GALNT16: variants seen among roughly 807,000 people sequenced by gnomAD.
GALNT16 encodes polypeptide N-acetylgalactosaminyltransferase 16.
A neutral mutation model predicts 76.1 loss-of-function variants in GALNT16; 40 were observed. The observed-to-expected ratio is 0.53, with a 90% CI of 0.41 to 0.68. The LOEUF is 0.68. Among genes scored for constraint, GALNT16 ranks in the 30% least tolerant of loss-of-function variants. GALNT16 has a pLI of 0.00. For missense variants in GALNT16, 621 were observed against 731.9 expected (o/e 0.85, Z 1.75); for synonymous variants, 276 against 285.2 (o/e 0.97, Z 0.32).
chr14:69,302,109 C>T (rs1297663679), intron 1 of GALNT16, among the ~76,000 whole-genome samples: 1 of 151,950 alleles, frequency 6.6e-6, no homozygotes, highest in African/African-American at 2.4e-5. Context: ...TCATTAGATC[C>T]CCAGAGAGTT....
At position 69,333,426 on chromosome 14, in the gene GALNT16, C is replaced by A; in HGVS notation, c.864-71C>A. On this transcript the variant is annotated intron_variant, in intron 8 of 14. Coordinates refer to ENST00000448469, the MANE Select transcript of GALNT16 (RefSeq NM_001168368.2). The surrounding 1 kb of genome is among the most constrained non-coding windows in gnomAD (Gnocchi z 4.2). Reference sequence around the variant, plus strand: ...GATCTAGAGGCAGACGGTCTTGGGTCCTGGGGCCATCTAAAGGGCCTCCTT... The same window carrying A: ...GATCTAGAGGCAGACGGTCTTGGGTACTGGGGCCATCTAAAGGGCCTCCTT... 1 of 931,252 alleles carries A rather than the reference C, an allele frequency of 1.1e-6. No individual in the cohort carries two copies. Among genetic ancestry groups the A allele is most frequent in the South Asian group, 1.3e-5 (1 of 75,932 alleles). The allele number at this position is 931,252 out of a possible 1,614,324, so 57.7% of individuals were successfully genotyped here.
At position 69,326,108 on chromosome 14, in the gene GALNT16, T is replaced by C. The variant is rs909795816; in HGVS notation, c.568+81T>C. The C allele has an allele frequency of 1.7e-5, 18 of 1,075,986 alleles. No homozygotes were observed. The Admixed American group carries it at 1.9e-4, about 11-fold the overall frequency. 66.7% of individuals were successfully genotyped at this position (1,075,986 alleles called of 1,614,324 possible). On this transcript the variant is annotated intron_variant, in intron 5 of 14. Coordinates refer to ENST00000448469, the MANE Select transcript of GALNT16 (RefSeq NM_001168368.2). The stretch of plus-strand genomic sequence containing the variant: ...ACTTCCCCACTCTCTCTTGGTGCCG[T>C]GGCACACCAAGCCAACATGGTCCTG...
intron 12 of GALNT16, among the ~76,000 whole-genome samples, chr14:69,346,445 G>T (rs1345971852): frequency 2.0e-5 from 3 of 152,142 alleles, no homozygotes; most frequent in Admixed American, 1.3e-4. Flanking sequence ...CTCCTGAGAA[G>T]CTGTGCTAAT....
intron 1 of GALNT16, among the ~76,000 whole-genome samples, chr14:69,287,742 A>G (rs1026709661): frequency 6.6e-6 from 1 of 152,144 alleles, no homozygotes; most frequent in African/African-American, 2.4e-5. Context: ...TCCTACCTGC[A>G]CTTTTTTCTC....
At chr14:69,292,802 G>A (rs116898815) in intron 1 of GALNT16, among the ~76,000 whole-genome samples, 8 of 152,294 alleles carry the variant, frequency 5.3e-5, no homozygotes, top group East Asian at 1.9e-4. Context: ...ATTTCCTGTC[G>A]TCCCTCCAGG....
At position 69,333,564 on chromosome 14, in the gene GALNT16, G is replaced by A. The variant is rs770900667; in HGVS notation, c.931G>A (p.Asp311Asn). 2.5e-6 allele frequency: 4 copies of A among 1,601,704 alleles called. No homozygotes were observed. In the African/African-American group the frequency reaches 5.4e-5, roughly 22 times the overall value. The change falls in exon 9 of 15, where the codon GAT (aspartate) becomes AAT (asparagine). Residue 311 changes from aspartate to asparagine, a missense_variant. Transcript: ENST00000448469. This position sits in a 1 kb window ranked among gnomAD's most constrained non-coding sequence, Gnocchi z 4.2. ...KSWFNHLGKY[D>N]AQMDIWGGEN... ...CTGGTTTAACCACTTGGGAAAGTAT[G>A]ATGCCCAGATGGACATCTGGGGGGG...
intron 14 of GALNT16, chr14:69,348,821 G>A (rs1269978727): frequency 6.6e-6 from 1 of 152,328 alleles, no homozygotes; most frequent in Non-Finnish European, 1.5e-5. Context: ...CTCCCTTCCT[G>A]TCTTGGAGGG....
intron 1 of GALNT16, among the ~76,000 whole-genome samples, chr14:69,260,942 G>C (rs903666252): frequency 2.6e-5 from 4 of 151,872 alleles, no homozygotes; most frequent in Non-Finnish European, 5.9e-5. Flanking sequence ...GCGTGGGTAG[G>C]GGAAGGCTCT....
Position 69,339,592 on chromosome 14 carries a change from C to T in GALNT16, c.1160C>T (p.Pro387Leu), listed in dbSNP as rs2045459053. Residue 387 changes from proline (P) to leucine (L), a missense_variant, in exon 11 of 15, where the codon CCC (proline) becomes CTC (leucine). Coordinates refer to ENST00000448469, the MANE Select transcript of GALNT16 (RefSeq NM_001168368.2). ...AAGCAATACTACTATGAGGCCCGGC[C>T]CTCGGCCATCGGGAAGGCCTTCGGC... Reference protein sequence around the residue: ...EYKQYYYEARPSAIGKAFGSV... With the variant: ...EYKQYYYEARLSAIGKAFGSV... 1.2e-6 allele frequency: 2 copies of T among 1,609,256 alleles called. No individual in the cohort carries two copies. Among genetic ancestry groups the T allele is most frequent in the Admixed American group, 1.7e-5 (1 of 59,638 alleles).
intron 14 of GALNT16, chr14:69,350,753 A>C (rs577715981): frequency 2.6e-5 from 4 of 152,282 alleles, no homozygotes; most frequent in African/African-American, 9.6e-5. Flanking sequence ...CTTCCTCCAC[A>C]TGGTCACAAG....
At chr14:69,279,718 G>A (rs1440011066) in intron 1 of GALNT16, among the ~76,000 whole-genome samples, 4 of 152,232 alleles carry the variant, frequency 2.6e-5, no homozygotes, top group South Asian at 2.1e-4. Context: ...ATGAGCGTGT[G>A]CTTGGTGGAC....
chr14:69,323,712 A>G (rs1053633819), intron 2 of GALNT16, among the ~76,000 whole-genome samples: 2 of 152,124 alleles, frequency 1.3e-5, no homozygotes, highest in African/African-American at 4.8e-5. Context: ...CAGCCTCTCA[A>G]GATTTCCCCC....
chr14:69,384,237 T>C, the GALNT16 span, among the ~76,000 whole-genome samples: 3 of 152,212 alleles, frequency 2.0e-5, no homozygotes, highest in African/African-American at 7.2e-5. Flanking sequence ...TAAAACTCTA[T>C]CCTGACTTCT....
rs766050730 is a variant in GALNT16 at position 69,328,547 on chromosome 14, G to T, written c.666G>T (p.Pro222=). Residue 222 remains proline (P), a synonymous_variant, in exon 6 of 15, where the codon CCG becomes CCT. Coordinates refer to ENST00000448469, the MANE Select transcript of GALNT16 (RefSeq NM_001168368.2). ...SHCEVNTEWL[P]PMLQRVKEDH... ...GCGAAGTGAACACCGAGTGGCTGCC[G>T]CCCATGCTGCAGCGGGTGAAGGAGG... The T allele has an allele frequency of 2.5e-6, 4 of 1,613,404 alleles. No homozygotes were observed. The highest frequency in any genetic ancestry group is 3.4e-6 in the Non-Finnish European group (4 of 1,179,922).
the GALNT16 span, among the ~76,000 whole-genome samples, chr14:69,382,470 C>T: frequency 6.6e-6 from 1 of 151,956 alleles, no homozygotes; most frequent in African/African-American, 2.4e-5. Flanking sequence ...TATACCATTC[C>T]CCCCAACAAA....
intron 1 of GALNT16, among the ~76,000 whole-genome samples, chr14:69,320,164 T>A (rs1310518019): frequency 6.6e-6 from 1 of 152,222 alleles, no homozygotes; most frequent in East Asian, 1.9e-4. Flanking sequence ...ATCCAGACCT[T>A]GTGACTTAAT....
intron 5 of GALNT16, among the ~76,000 whole-genome samples, chr14:69,327,791 G>A (rs903784946): frequency 3.3e-5 from 5 of 152,188 alleles, no homozygotes; most frequent in Admixed American, 1.3e-4. Flanking sequence ...GCAGGTCTCC[G>A]CCCAGAGCAG....
intron 2 of GALNT16, among the ~76,000 whole-genome samples, chr14:69,324,489 A>G (rs889841683): frequency 8.6e-5 from 13 of 152,030 alleles, no homozygotes; most frequent in Admixed American, 2.0e-4. Context: ...CCCTCCCAGG[A>G]CCCCAGGATG....
At chr14:69,340,691 A>G (rs930930054) in intron 11 of GALNT16, among the ~76,000 whole-genome samples, 12 of 152,248 alleles carry the variant, frequency 7.9e-5, no homozygotes, top group African/African-American at 2.9e-4. Flanking sequence ...TCACCATGTC[A>G]GCCAGGCTGG....
Sources: gnomAD v4.1 joint callset for allele counts (sites outside exome capture counted in the v4.1 genomes callset) on GRCh38, gnomAD v4.1.1 for gene constraint, Gnocchi (gnomAD v3.1) non-coding constraint, MANE v1.5 for transcripts, NCBI Gene and HGNC (gene_info 2026-07-23, HGNC 2026-07-21) for gene names.